AAK1: variants seen among roughly 807,000 people sequenced by gnomAD.
AAK1 encodes the protein AP2 associated kinase 1.
A neutral mutation model predicts 116.0 loss-of-function variants in AAK1; 37 were observed. That is an observed-to-expected ratio of 0.32 (90% CI 0.25 to 0.42). AAK1 has a LOEUF of 0.42. Ranked by LOEUF, AAK1 falls within the 10% of genes least tolerant of loss-of-function variation. The pLI, the probability that AAK1 is intolerant of heterozygous loss-of-function variation, is 1.00. For missense variants in AAK1, 919 were observed against 1,170.6 expected (o/e 0.79, Z 3.14); for synonymous variants, 458 against 439.9 (o/e 1.04, Z -0.51).
intron 2 of AAK1, among the ~76,000 whole-genome samples, chr2:69,575,653 A>G (rs1331319892): frequency 6.6e-6 from 1 of 152,028 alleles, no homozygotes; most frequent in East Asian, 1.9e-4. Flanking sequence ...ATTTTAGTAG[A>G]GACAGGATTT....
Position 69,461,096 on chromosome 2 carries a change from T to C in AAK1, c.*14773A>G, listed in dbSNP as rs1674329245. 1 of 152,260 alleles carries C rather than the reference T, an allele frequency of 6.6e-6. No homozygotes were observed. Among genetic ancestry groups the C allele is most frequent in the Non-Finnish European group, 1.5e-5 (1 of 68,056 alleles). 9.4% of individuals were successfully genotyped at this position (152,260 alleles called of 1,614,324 possible). On this transcript the variant is annotated 3_prime_UTR_variant, in exon 22 of 22. Transcript: ENST00000409085. ...CAATGATGGACCACATATACCATGA[T>C]GGTCCCATAAGATTATACCATATTT...
At chr2:69,612,713 G>A (rs1163553253) in intron 2 of AAK1, among the ~76,000 whole-genome samples, 3 of 152,170 alleles carry the variant, frequency 2.0e-5, no homozygotes, top group East Asian at 1.9e-4. Flanking sequence ...GTCTAAGGAG[G>A]CAAGCCAATC....
At position 69,500,665 on chromosome 2, in the gene AAK1, AT is replaced by A. The variant is rs1210990867; in HGVS notation, c.2270-4586del. On this transcript the variant is annotated intron_variant, in intron 16 of 21. Coordinates refer to ENST00000409085, the MANE Select transcript of AAK1 (RefSeq NM_014911.5). The stretch of plus-strand genomic sequence containing the variant: ...TAGCTGTGCCTTTAAGTCCCTTAAA[AT>A]ATATATATATATATATATATATATA... Among the ~76,000 whole-genome samples, 16 of 30,838 alleles carry A rather than the reference AT, an allele frequency of 5.2e-4. 1 individual carries two copies. Among genetic ancestry groups the A allele is most frequent in the South Asian group, 2.8e-3 (2 of 714 alleles). 20.2% of individuals were successfully genotyped at this position (30,838 alleles called of 152,430 possible).
At chr2:69,598,951 T>C in intron 2 of AAK1, 1 of 425,480 alleles carries the variant, frequency 2.4e-6, no homozygotes, top group Non-Finnish European at 4.7e-6. Context: ...CATGCCATTA[T>C]TAACTTCACA....
intron 17 of AAK1, among the ~76,000 whole-genome samples, chr2:69,493,075 C>T (rs925372288): frequency 6.2e-5 from 9 of 145,214 alleles, no homozygotes; most frequent in African/African-American, 1.8e-4. Context: ...AGGAGAATGG[C>T]GTGAACCCGG....
At position 69,471,385 on chromosome 2, in the gene AAK1, C is replaced by T. The variant is rs1003744850; in HGVS notation, c.*4484G>A. On this transcript the variant is annotated 3_prime_UTR_variant, in exon 22 of 22. Transcript: ENST00000409085. ...TAAGAAATCTAAGCACATCCAACTTCAGAAACATTACTAATGTGGAAAAAG... is the reference window on the plus strand; with the variant it reads ...TAAGAAATCTAAGCACATCCAACTTTAGAAACATTACTAATGTGGAAAAAG... The T allele has an allele frequency of 2.3e-5, 23 of 985,290 alleles. No homozygotes were observed. Among genetic ancestry groups the T allele is most frequent in the Non-Finnish European group, 2.8e-5 (23 of 829,932 alleles). 61.0% of individuals were successfully genotyped at this position (985,290 alleles called of 1,614,324 possible).
Position 69,470,434 on chromosome 2 carries a change from G to A in AAK1, c.*5435C>T, listed in dbSNP as rs948299488. On this transcript the variant is annotated 3_prime_UTR_variant, in exon 22 of 22. Coordinates refer to ENST00000409085, the MANE Select transcript of AAK1 (RefSeq NM_014911.5). ...CTCACATAACAAAATTAAGCATTTG[G>A]TTCCACCATATATTAGGTAGCTGCA... The A allele has an allele frequency of 1.0e-5, 10 of 985,206 alleles. No individual in the cohort carries two copies. The highest frequency in any genetic ancestry group is 1.2e-5 in the Non-Finnish European group (10 of 829,924). The allele number at this position is 985,206 out of a possible 1,614,324, so 61.0% of individuals were successfully genotyped here. A position where few individuals can be genotyped will look rare whatever the true frequency, so the allele number is the denominator to read the frequency against.
intron 20 of AAK1, 38 bp from the exon 21 acceptor site, chr2:69,477,028 G>C (rs1162846205): frequency 1.4e-6 from 2 of 1,424,156 alleles, no homozygotes; most frequent in Admixed American, 1.9e-5. Context: ...AGAAACAACA[G>C]AGGCAGAGAT....
At chr2:69,603,656 A>T (rs1029762602) in intron 2 of AAK1, among the ~76,000 whole-genome samples, 1 of 152,200 alleles carries the variant, frequency 6.6e-6, no homozygotes, top group Non-Finnish European at 1.5e-5. Context: ...GGTAAAAAAT[A>T]AAAAATTTTA....
In AAK1 at chr2:69,471,731, A is replaced by C; in HGVS notation, c.*4138T>G. 1 of 985,478 alleles carries C rather than the reference A, an allele frequency of 1.0e-6. No individual in the cohort carries two copies. Among genetic ancestry groups the C allele is most frequent in the Non-Finnish European group, 1.2e-6 (1 of 829,940 alleles). 61.0% of individuals were successfully genotyped at this position (985,478 alleles called of 1,614,324 possible). On this transcript the variant is annotated 3_prime_UTR_variant, in exon 22 of 22. Coordinates refer to ENST00000409085, the MANE Select transcript of AAK1 (RefSeq NM_014911.5). ...AGGTATCTATAGCATGTATTTATTT[A>C]GCTGAGTGCAGATCCCTCCACATCA... is the stretch of plus-strand genomic sequence containing the variant.
intron 2 of AAK1, among the ~76,000 whole-genome samples, chr2:69,615,147 G>C (rs560913368): frequency 6.6e-6 from 1 of 152,284 alleles, no homozygotes; most frequent in East Asian, 1.9e-4. Context: ...CTTCCTTCTA[G>C]GGTTTTCACT....
chr2:69,566,638 T>C (rs889895981), intron 2 of AAK1, among the ~76,000 whole-genome samples: 7 of 152,180 alleles, frequency 4.6e-5, no homozygotes, highest in Non-Finnish European at 7.3e-5. Flanking sequence ...AGGACTGTTA[T>C]GATTGATTGG....
At chr2:69,493,175 A>AAAAAAAAAAAC (rs1675607735) in intron 17 of AAK1, among the ~76,000 whole-genome samples, 1 of 148,740 alleles carries the variant, frequency 6.7e-6, no homozygotes, top group Non-Finnish European at 1.5e-5. Flanking sequence ...AAAAAAAAAA[A>AAAAAAAAAAAC]AAGGATGCAG....
chr2:69,524,621 T>A (rs1451971546), intron 10 of AAK1, among the ~76,000 whole-genome samples: 1 of 116,760 alleles, frequency 8.6e-6, no homozygotes, highest in African/African-American at 3.3e-5. Flanking sequence ...TTTTAGTAGA[T>A]GGGATTTTGT....
chr2:69,625,961 A>G (rs1436714160), intron 2 of AAK1, among the ~76,000 whole-genome samples: 1 of 152,136 alleles, frequency 6.6e-6, no homozygotes, highest in Non-Finnish European at 1.5e-5. Context: ...TAGAAAACAG[A>G]AGCAAGAACT....
In AAK1 at chr2:69,602,380, TG is replaced by T. The variant is rs544731509; in HGVS notation, c.163+40497del. Among the ~76,000 whole-genome samples the T allele has an allele frequency of 1.6e-3, 238 of 152,270 alleles. 2 individuals carry two copies. Among genetic ancestry groups the T allele is most frequent in the Non-Finnish European group, 1.8e-4 (12 of 68,034 alleles). On this transcript the variant is annotated intron_variant, in intron 2 of 21. Coordinates refer to ENST00000409085, the MANE Select transcript of AAK1 (RefSeq NM_014911.5). ...TACTTTGTTTTTTATTAGTTTAGTT[TG>T]TTTTTTTAAGGAAATATACACTAAA...
chr2:69,553,387 A>C (rs769696309), intron 3 of AAK1, among the ~76,000 whole-genome samples: 3 of 151,568 alleles, frequency 2.0e-5, no homozygotes, highest in Admixed American at 1.3e-4. Flanking sequence ...TTCTGTACTC[A>C]AACTATGATG....
At chr2:69,509,516 A>C in intron 13 of AAK1, 56 bp from the exon 14 acceptor site, 1 of 1,428,330 alleles carries the variant, frequency 7.0e-7, no homozygotes, top group Admixed American at 2.4e-5. Flanking sequence ...AAGTTAAAGG[A>C]AAAACAAACA....
At chr2:69,482,870 C>A (rs1331116157) in intron 17 of AAK1, 58 bp from the exon 18 acceptor site, 2 of 1,062,418 alleles carry the variant, frequency 1.9e-6, no homozygotes, top group South Asian at 2.7e-5. Context: ...TTAAAGCCAG[C>A]GGATCATTCA....
Sources: allele counts gnomAD v4.1 joint callset (sites outside exome capture counted in the v4.1 genomes callset), GRCh38; gene constraint gnomAD v4.1.1; transcripts MANE v1.5; gene names NCBI Gene and HGNC (gene_info 2026-07-23, HGNC 2026-07-21).